RBFOX1: variants seen among roughly 807,000 people sequenced by gnomAD.
RBFOX1 encodes RNA binding fox-1 homolog 1.
RBFOX1 carries 8 observed loss-of-function variants against 57.7 expected under a neutral mutation model. The ratio of observed to expected loss-of-function variants is 0.14; its 90% CI spans 0.08 to 0.25. The LOEUF (loss-of-function observed/expected upper bound fraction) is 0.25, where lower values mean the gene tolerates loss of function less well. Among genes scored for constraint, RBFOX1 ranks in the 10% least tolerant of loss-of-function variants. The probability of loss-of-function intolerance (pLI) is 1.00; values close to 1 mark genes in which losing one functional copy is unlikely to be tolerated. For missense variants in RBFOX1, 611 were observed against 548.5 expected, an observed-to-expected ratio of 1.11 and a Z score of -1.14; for synonymous variants, 326 against 222.4, an observed-to-expected ratio of 1.47 and a Z score of -4.15.
chr16:6,862,669 G>A (rs896500020), intron 3 of RBFOX1, among the ~76,000 whole-genome samples: 2 of 152,144 alleles, frequency 1.3e-5, no homozygotes, highest in Non-Finnish European at 2.9e-5. Context: ...GAACAGAGCT[G>A]GAGGTAGAAT....
chr16:7,521,217 A>T (rs555920746), intron 5 of RBFOX1, among the ~76,000 whole-genome samples: 1 of 152,218 alleles, frequency 6.6e-6, no homozygotes, highest in Non-Finnish European at 1.5e-5. Flanking sequence ...GGCTCACTCA[A>T]AGTCCTAAGA....
intron 2 of RBFOX1, among the ~76,000 whole-genome samples, chr16:6,518,808 T>TATC (rs2096441085): frequency 9.8e-6 from 1 of 102,330 alleles, no homozygotes; most frequent in African/African-American, 3.7e-5. Context: ...TCTATCTATC[T>TATC]ATCTATCTAT....
chr16:5,913,696 G>T (rs891327651), intron 4 of RBFOX1, among the ~76,000 whole-genome samples: 2 of 152,144 alleles, frequency 1.3e-5, no homozygotes, highest in Admixed American at 1.3e-4. Flanking sequence ...GCTAACACAG[G>T]TGTATCACCA....
intron 3 of RBFOX1, among the ~76,000 whole-genome samples, chr16:5,827,165 G>A (rs1450462768): frequency 1.3e-5 from 2 of 152,080 alleles, no homozygotes; most frequent in Admixed American, 6.6e-5. Flanking sequence ...ACTCTAGGAG[G>A]CCGAGGTGGG....
At chr16:5,549,353 C>T (rs887731314) in intron 2 of RBFOX1, among the ~76,000 whole-genome samples, 3 of 152,166 alleles carry the variant, frequency 2.0e-5, no homozygotes, top group African/African-American at 7.2e-5. Context: ...GTAACTGGAT[C>T]TGCTTCTTCA....
chr16:6,549,034 C>T (rs542077110), intron 2 of RBFOX1, among the ~76,000 whole-genome samples: 71 of 147,322 alleles, frequency 4.8e-4, no homozygotes, highest in African/African-American at 1.7e-3. Flanking sequence ...GAGATCATGC[C>T]ACTGCACTCC....
At chr16:6,316,849 C>T in intron 1 of RBFOX1, 146 bp from the exon 2 acceptor site, 1 of 585,504 alleles carries the variant, frequency 1.7e-6, no homozygotes, top group South Asian at 2.4e-5. Context: ...TTTTCATCAT[C>T]ATCATCACCA....
intron 1 of RBFOX1, among the ~76,000 whole-genome samples, chr16:5,261,299 C>G (rs1698041173): frequency 1.3e-5 from 2 of 152,072 alleles, no homozygotes; most frequent in Admixed American, 1.3e-4. Flanking sequence ...CATCACTGGC[C>G]TTTTGTCATG....
intron 1 of RBFOX1, among the ~76,000 whole-genome samples, chr16:6,186,475 A>G (rs559719556): frequency 6.6e-6 from 1 of 152,322 alleles, no homozygotes; most frequent in South Asian, 2.1e-4. Context: ...GTTAGAGAGT[A>G]GACTGCAGAA....
chr16:5,353,461 A>G (rs1289950445), intron 1 of RBFOX1, among the ~76,000 whole-genome samples: 1 of 151,908 alleles, frequency 6.6e-6, no homozygotes, highest in Admixed American at 6.6e-5. Context: ...GTGTTAGGAC[A>G]TTGACATTTT....
intron 2 of RBFOX1, among the ~76,000 whole-genome samples, chr16:6,452,809 T>A (rs1203107212): frequency 6.6e-6 from 1 of 152,316 alleles, no homozygotes; most frequent in South Asian, 2.1e-4. Flanking sequence ...TGTGTCTCAG[T>A]TGCCACATCC....
At chr16:6,557,162 C>T (rs981141251) in intron 2 of RBFOX1, among the ~76,000 whole-genome samples, 3 of 141,482 alleles carry the variant, frequency 2.1e-5, no homozygotes, top group African/African-American at 8.4e-5. Flanking sequence ...CATATATATA[C>T]ACATATATAT....
chr16:5,924,641 G>A (rs1473007384), intron 4 of RBFOX1, among the ~76,000 whole-genome samples: 1 of 152,148 alleles, frequency 6.6e-6, no homozygotes, highest in African/African-American at 2.4e-5. Context: ...TGCTTCTTGT[G>A]CAGCCTGCAG....
intron 2 of RBFOX1, among the ~76,000 whole-genome samples, chr16:6,416,038 C>CA (rs1340354851): frequency 3.3e-5 from 5 of 152,180 alleles, no homozygotes; most frequent in Admixed American, 2.0e-4. Context: ...AGATGAGCTA[C>CA]AACAGGTGTG....
intron 3 of RBFOX1, among the ~76,000 whole-genome samples, chr16:6,738,160 CTGTA>C (rs1393747465): frequency 6.6e-6 from 1 of 151,368 alleles, no homozygotes; most frequent in East Asian, 1.9e-4. Flanking sequence ...TCTTAAATGA[CTGTA>C]TGATGATCAA....
At position 5,567,486 on chromosome 16, in the gene RBFOX1, G is replaced by A. The variant is rs557030410; in HGVS notation, c.259-31416G>A. Among the ~76,000 whole-genome samples, 35 of 152,172 alleles carry A rather than the reference G, an allele frequency of 2.3e-4. 2 individuals carry two copies. The Middle Eastern group carries it at 0.024, about 104-fold the overall frequency. The stretch of plus-strand genomic sequence containing the variant: ...CTGGGAAGCATGAAGCATCCAGCGG[G>A]TCACCACCTGCCCCTGGTCATAGGG... On this transcript the variant is annotated intron_variant, in intron 2 of 2. Transcript: ENST00000585867.
rs142664524 is a variant in RBFOX1, at chr16:5,681,457, C to T, written c.318+82496C>T. Among the ~76,000 whole-genome samples the T allele has an allele frequency of 8.2e-3, 1,216 of 148,578 alleles. 13 individuals are homozygous for T. The highest frequency in any genetic ancestry group is 0.029 in the African/African-American group (1,156 of 40,168). On this transcript the variant is annotated intron_variant, in intron 3 of 19. Coordinates refer to the RBFOX1 transcript ENST00000641259. ...AGCCTGGAGTGCAATGGTGTGATCT[C>T]AGCTCACTGCAACCTCCCCATCCCC... is the stretch of plus-strand genomic sequence containing the variant.
chr16:5,379,949 G>T (rs2066088095), intron 1 of RBFOX1, among the ~76,000 whole-genome samples: 1 of 152,186 alleles, frequency 6.6e-6, no homozygotes. Flanking sequence ...GGCGTTGGAG[G>T]AATCATCCCG....
At chr16:5,624,528 G>A (rs2048293536) in intron 3 of RBFOX1, among the ~76,000 whole-genome samples, 1 of 152,210 alleles carries the variant, frequency 6.6e-6, no homozygotes, top group Non-Finnish European at 1.5e-5. Flanking sequence ...GTACCCAGGT[G>A]GGGAAAAGCT....
Sources: allele counts gnomAD v4.1 joint callset (sites outside exome capture counted in the v4.1 genomes callset), GRCh38; gene constraint gnomAD v4.1.1; transcripts MANE v1.5; gene names NCBI Gene and HGNC (gene_info 2026-07-23, HGNC 2026-07-21).